Variants in SLC10A6 observed in about 807,000 individuals in gnomAD.
SLC10A6 encodes the protein sodium-dependent organic anion transporter.
Under a neutral mutation model 30.0 loss-of-function variants are expected in SLC10A6, and 27 were observed. The ratio of observed to expected loss-of-function variants is 0.90; its 90% CI spans 0.66 to 1.24. The LOEUF is 1.24. SLC10A6 is among the 50% of genes most tolerant of loss of function. The probability of loss-of-function intolerance (pLI) is 0.00; values close to 1 mark genes in which losing one functional copy is unlikely to be tolerated. For missense variants in SLC10A6, 439 were observed against 457.0 expected, an observed-to-expected ratio of 0.96 and a Z score of 0.36; for synonymous variants, 166 against 173.8, an observed-to-expected ratio of 0.95 and a Z score of 0.36.
intron 1 of SLC10A6, among the ~76,000 whole-genome samples, chr4:86,847,828 T>C (rs1437546491): frequency 6.6e-6 from 1 of 152,218 alleles, no homozygotes; most frequent in Non-Finnish European, 1.5e-5. Flanking sequence ...TACTTAAATT[T>C]ATAAGCAGTT....
chr4:86,823,686 T>C lies in SLC10A6; in HGVS notation c.*2A>G. ...GGGGCCAGTCCAGCCAGCTAGTCCC[T>C]GCTATTCACATGAAGTGATGTGGCC... On this transcript the variant is annotated 3_prime_UTR_variant, in exon 6 of 6. Transcript: ENST00000273905. 1 of 1,597,506 alleles carries C rather than the reference T, an allele frequency of 6.3e-7. No individual in the cohort carries two copies. Among genetic ancestry groups the C allele is most frequent in the South Asian group, 1.1e-5 (1 of 88,138 alleles).
At chr4:86,840,513 G>A (rs1042268102) in intron 1 of SLC10A6, among the ~76,000 whole-genome samples, 6 of 151,574 alleles carry the variant, frequency 4.0e-5, no homozygotes, top group African/African-American at 1.5e-4. Context: ...TTCAAATATT[G>A]TCTTCTACTT....
chr4:86,837,298 G>A (rs1435505872), intron 1 of SLC10A6, among the ~76,000 whole-genome samples: 2,252 of 88,306 alleles, frequency 0.026, 88 homozygotes, highest in Non-Finnish European at 0.031. Flanking sequence ...AGAAAGGAAG[G>A]AAGGAAGGAA....
At chr4:86,845,703 G>A (rs988156361) in intron 1 of SLC10A6, among the ~76,000 whole-genome samples, 1 of 152,152 alleles carries the variant, frequency 6.6e-6, no homozygotes, top group African/African-American at 2.4e-5. Context: ...AGTGTTAGTG[G>A]AGACCAACAG....
intron 4 of SLC10A6, 125 bp from the exon 5 acceptor site, chr4:86,825,702 A>G (rs1262176157): frequency 5.7e-6 from 6 of 1,051,986 alleles, no homozygotes; most frequent in African/African-American, 1.6e-5. Flanking sequence ...TACTCATTCC[A>G]TAGTTATTTG....
Position 86,849,078 on chromosome 4 carries a change from G to A in SLC10A6, c.38C>T (p.Ala13Val). 1.2e-6 allele frequency: 2 copies of A among 1,614,032 alleles called. No individual in the cohort carries two copies. Among genetic ancestry groups the A allele is most frequent in the East Asian group, 4.5e-5 (2 of 44,876 alleles). Reference protein sequence around the residue: ...ANCSSSSACPANSSEEELPVG... With the variant: ...ANCSSSSACPVNSSEEELPVG... ...TGGCAGCTCCTCCTCTGAACTGTTG[G>A]CAGGGCAGGCTGAGCTGCTGGAACA... The change falls in exon 1 of 6, where the codon GCC (alanine) becomes GTC (valine). Residue 13 changes from alanine to valine, a missense_variant. Coordinates refer to ENST00000273905, the MANE Select transcript of SLC10A6 (RefSeq NM_197965.3).
Position 86,828,127 on chromosome 4 carries a change from T to G in SLC10A6, c.627A>C (p.Ala209=), listed in dbSNP as rs142660121. 6.8e-6 allele frequency: 11 copies of G among 1,613,570 alleles called. 1 individual carries two copies. The African/African-American group carries it at 1.5e-4, about 22-fold the overall frequency. The stretch of plus-strand genomic sequence containing the variant: ...CTTTCGCCAGGACCACACCAGCAAC[T>G]GCGACCACCAGAAGGAGGACCCCAC... The part of the protein sequence containing the change: ...VVGGVLLLVV[A]VAGVVLAKGS... The change falls in exon 4 of 6, where the codon GCA becomes GCC. Residue 209 remains alanine (A), a synonymous_variant. Coordinates refer to ENST00000273905, the MANE Select transcript of SLC10A6 (RefSeq NM_197965.3).
chr4:86,830,481 T>C (rs1230502540), intron 3 of SLC10A6, among the ~76,000 whole-genome samples: 2 of 152,056 alleles, frequency 1.3e-5, no homozygotes, highest in Non-Finnish European at 2.9e-5. Context: ...AGAGTGAAAA[T>C]CAGGTGTGCA....
chr4:86,837,572 C>T (rs1006416110), intron 1 of SLC10A6: 2 of 984,564 alleles, frequency 2.0e-6, no homozygotes, highest in Non-Finnish European at 2.4e-6. Context: ...TTCAACCTTA[C>T]CCCACTTTTT....
intron 1 of SLC10A6, among the ~76,000 whole-genome samples, chr4:86,846,785 A>G (rs1746399341): frequency 6.6e-6 from 1 of 152,162 alleles, no homozygotes; most frequent in Non-Finnish European, 1.5e-5. Context: ...ATATACATAT[A>G]TATACAGTCT....
chr4:86,826,099 T>C (rs373233868), intron 4 of SLC10A6, among the ~76,000 whole-genome samples: 4 of 152,040 alleles, frequency 2.6e-5, no homozygotes, highest in Non-Finnish European at 2.9e-5. Flanking sequence ...GTTAGAGATA[T>C]GATGCAGGAC....
At chr4:86,846,387 T>TAC (rs765790980) in intron 1 of SLC10A6, among the ~76,000 whole-genome samples, 23 of 151,858 alleles carry the variant, frequency 1.5e-4, no homozygotes, top group East Asian at 3.9e-4. Context: ...GCACTCTGAA[T>TAC]ACACACACAC....
At chr4:86,847,627 A>G (rs1746415350) in intron 1 of SLC10A6, among the ~76,000 whole-genome samples, 1 of 152,156 alleles carries the variant, frequency 6.6e-6, no homozygotes, top group Admixed American at 6.5e-5. Context: ...CCTATTCTGC[A>G]TGGTATGAGC....
chr4:86,831,745 G>A (rs1254435843), intron 3 of SLC10A6, 47 bp downstream of exon 3: 1 of 1,495,242 alleles, frequency 6.7e-7, no homozygotes, highest in Non-Finnish European at 9.3e-7. Context: ...TGTCTTTCAG[G>A]CCCCTGAGTC....
intron 5 of SLC10A6, among the ~76,000 whole-genome samples, chr4:86,824,558 G>A (rs1189874787): frequency 6.6e-6 from 1 of 150,426 alleles, no homozygotes; most frequent in African/African-American, 2.5e-5. Context: ...AAATATATAT[G>A]TGTATGTGAA....
At chr4:86,837,271 GAAAGAAAGAA>G (rs1318416465) in intron 1 of SLC10A6, among the ~76,000 whole-genome samples, 3 of 116,782 alleles carry the variant, frequency 2.6e-5, no homozygotes, top group African/African-American at 3.8e-5. Context: ...AAGAAAGAAA[GAAAGAAAGAA>G]AGAAAAAGAA....
intron 1 of SLC10A6, among the ~76,000 whole-genome samples, chr4:86,842,641 G>A (rs751161245): frequency 1.3e-5 from 2 of 149,530 alleles, no homozygotes; most frequent in Admixed American, 1.3e-4. Context: ...AGACTTCAGT[G>A]AGCCATGATT....
At chr4:86,832,590 CA>C (rs33997087) in intron 2 of SLC10A6, among the ~76,000 whole-genome samples, 9,361 of 132,768 alleles carry the variant, frequency 0.071, 336 homozygotes, top group African/African-American at 0.11. Flanking sequence ...AACTCTGTCT[CA>C]AAAAAAAAAA....
At chr4:86,836,005 T>C (rs1343898695) in intron 1 of SLC10A6, among the ~76,000 whole-genome samples, 1 of 152,132 alleles carries the variant, frequency 6.6e-6, no homozygotes, top group Non-Finnish European at 1.5e-5. Context: ...ATTACTGGGG[T>C]TGTCTCTGGC....
Sources: allele counts gnomAD v4.1 joint callset (sites outside exome capture counted in the v4.1 genomes callset), GRCh38; gene constraint gnomAD v4.1.1; transcripts MANE v1.5; gene names NCBI Gene and HGNC (gene_info 2026-07-23, HGNC 2026-07-21).